USH2A: variants seen among roughly 807,000 people sequenced by gnomAD.
The protein encoded by USH2A is usherin.
Under a neutral mutation model 538.9 loss-of-function variants are expected in USH2A, and 443 were observed. The observed-to-expected ratio is 0.82, with a 90% CI of 0.76 to 0.89. The LOEUF is 0.89. Ranked by LOEUF, USH2A falls within the 40% of genes least tolerant of loss-of-function variation. The pLI is 0.00. For missense variants in USH2A, 6,633 were observed against 6,324.8 expected (o/e 1.05, Z -1.65); for synonymous variants, 2,413 against 2,273.5 (o/e 1.06, Z -1.75).
intron 9 of USH2A, among the ~76,000 whole-genome samples, chr1:216,311,792 G>T (rs2037425167): frequency 6.6e-6 from 1 of 152,048 alleles, no homozygotes; most frequent in Admixed American, 6.6e-5. Context: ...CCACTTAAAA[G>T]GTGGCATGAG....
rs565289584 is a variant in USH2A, at chr1:215,874,221, T to C, written c.8681+3537A>G. Among the ~76,000 whole-genome samples, 3 of 152,302 alleles carry C rather than the reference T, an allele frequency of 2.0e-5. No individual in the cohort carries two copies. The South Asian group carries it at 6.2e-4, about 32-fold the overall frequency. ...GAAAATGTCAGGAAACCCAAAGTTA[T>C]AGTTCCCCCAACAACCATAACTTGC... On this transcript the variant is annotated intron_variant, in intron 43 of 71. Coordinates refer to ENST00000307340, the MANE Select transcript of USH2A (RefSeq NM_206933.4).
Position 216,370,173 on chromosome 1 carries a change from A to G in USH2A, c.652-5088T>C, listed in dbSNP as rs375842526. Among the ~76,000 whole-genome samples, 19 of 152,136 alleles carry G rather than the reference A, an allele frequency of 1.2e-4. No homozygotes were observed. In the East Asian group the frequency reaches 3.1e-3, roughly 25 times the overall value. On this transcript the variant is annotated intron_variant, in intron 3 of 71. Transcript: ENST00000307340. ...GAAAAGTTCTAGACCAGCCTGGCCAACATGGCGAAACTCCGTCTCTACTAA... is the reference window on the plus strand; with the variant it reads ...GAAAAGTTCTAGACCAGCCTGGCCAGCATGGCGAAACTCCGTCTCTACTAA...
chr1:215,994,129 A>T (rs895585402), intron 34 of USH2A, among the ~76,000 whole-genome samples: 6 of 152,334 alleles, frequency 3.9e-5, no homozygotes, highest in South Asian at 4.1e-4. Context: ...AACAAAGTTT[A>T]AAAATCTTTC....
intron 61 of USH2A, among the ~76,000 whole-genome samples, chr1:215,694,666 A>G (rs909220203): frequency 6.6e-6 from 1 of 152,196 alleles, no homozygotes; most frequent in South Asian, 2.1e-4. Context: ...ATTTACTCAC[A>G]GGTCCACCTT....
intron 43 of USH2A, 76 bp from the exon 44 acceptor site, chr1:215,867,246 C>T (rs1187970521): frequency 7.3e-6 from 11 of 1,498,704 alleles, no homozygotes; most frequent in Non-Finnish European, 1.0e-5. Context: ...TTCTTTTTTT[C>T]TTCACAAAAT....
At chr1:216,059,182 A>G (rs1351293689) in intron 30 of USH2A, among the ~76,000 whole-genome samples, 1 of 152,232 alleles carries the variant, frequency 6.6e-6, no homozygotes, top group Admixed American at 6.5e-5. Context: ...ACACATATAC[A>G]TACATATATA....
rs749286172 is a variant in USH2A, at chr1:215,640,652, G to A, written c.14874C>T (p.Asn4958=). Residue 4958 remains asparagine (N), a synonymous_variant, in exon 68 of 72, where the codon AAC becomes AAT. Coordinates refer to ENST00000307340, the MANE Select transcript of USH2A (RefSeq NM_206933.4). ...CVNWSDTFLL[N]GQLKEYVLTD... ...TTAACACGTACTCCTTCAGTTGGCC[G>A]TTCAGGAGGAAGGTGTCACTCCAGT... The A allele has an allele frequency of 4.3e-6, 7 of 1,613,874 alleles. No homozygotes were observed. Among genetic ancestry groups the A allele is most frequent in the Admixed American group, 3.3e-5 (2 of 60,004 alleles).
At chr1:216,226,746 T>C (rs2102512046) in intron 14 of USH2A, among the ~76,000 whole-genome samples, 1 of 152,332 alleles carries the variant, frequency 6.6e-6, no homozygotes, top group Non-Finnish European at 1.5e-5. Flanking sequence ...GGCCCCTTTA[T>C]CTTCTAAGTG....
intron 11 of USH2A, among the ~76,000 whole-genome samples, chr1:216,264,354 A>T (rs2036431326): frequency 6.6e-6 from 1 of 151,848 alleles, no homozygotes; most frequent in East Asian, 1.9e-4. Context: ...CTGGAGTGCA[A>T]TGGCACAGTC....
chr1:215,714,798 A>G (rs191227464), intron 61 of USH2A, among the ~76,000 whole-genome samples: 3 of 152,346 alleles, frequency 2.0e-5, no homozygotes, highest in African/African-American at 7.2e-5. Context: ...TAAAACATCA[A>G]TATGACCTAT....
rs949082769 is a variant in USH2A at position 216,324,324 on chromosome 1, C to A, written c.1172G>T (p.Ser391Ile). 3.7e-6 allele frequency: 6 copies of A among 1,611,970 alleles called. No individual in the cohort carries two copies. The highest frequency in any genetic ancestry group is 5.1e-6 in the Non-Finnish European group (6 of 1,179,110). Reference protein sequence around the residue: ...QVFYIIIQFFSPQPTEIRIQR... With the variant: ...QVFYIIIQFFIPQPTEIRIQR... ...AATCCTTATTTCCGTTGGTTGTGGA[C>A]TAAAGAACTGAATGATAATATAAAA... Residue 391 changes from serine to isoleucine, a missense_variant, in exon 7 of 72, where the codon AGT (serine) becomes ATT (isoleucine). Coordinates refer to ENST00000307340, the MANE Select transcript of USH2A (RefSeq NM_206933.4).
At chr1:215,898,085 C>T (rs1421057492) in intron 40 of USH2A, among the ~76,000 whole-genome samples, 1 of 152,198 alleles carries the variant, frequency 6.6e-6, no homozygotes, top group African/African-American at 2.4e-5. Flanking sequence ...ACGTAACCTG[C>T]AGGTACACAT....
intron 55 of USH2A, among the ~76,000 whole-genome samples, chr1:215,770,942 T>C (rs796497465): frequency 1.5e-5 from 1 of 65,876 alleles, no homozygotes. Flanking sequence ...CCGTCTCTAC[T>C]AAAAAAAAAA....
Position 216,245,592 on chromosome 1 carries a change from T to A in USH2A, c.2809+993A>T, listed in dbSNP as rs545833354. ...GCAGTGGTCCTTCTCCTTAGGTTTT[T>A]ATGGAGTATCTAGTTATAATATAGT... On this transcript the variant is annotated intron_variant, in intron 13 of 71. Transcript: ENST00000307340. 2.0e-5 allele frequency among the ~76,000 whole-genome samples: 3 copies of A among 152,214 alleles called. No homozygotes were observed. The East Asian group carries it at 5.8e-4, about 29-fold the overall frequency.
chr1:216,275,988 G>C (rs2036663368), intron 11 of USH2A, among the ~76,000 whole-genome samples: 1 of 152,100 alleles, frequency 6.6e-6, no homozygotes, highest in Admixed American at 6.6e-5. Context: ...ACACTATGCT[G>C]AGTGCTAGGA....
chr1:216,382,337 A>G (rs1425212823), intron 3 of USH2A, among the ~76,000 whole-genome samples: 1 of 152,216 alleles, frequency 6.6e-6, no homozygotes, highest in Non-Finnish European at 1.5e-5. Context: ...ATTAAGCGGA[A>G]TAAATAGTAA....
intron 12 of USH2A, among the ~76,000 whole-genome samples, chr1:216,247,912 C>T (rs549674303): frequency 1.2e-4 from 18 of 152,000 alleles, no homozygotes; most frequent in South Asian, 2.1e-4. Flanking sequence ...ATTATACCTT[C>T]GTGAAGCTGG....
At chr1:216,201,067 T>C (rs2034988000) in intron 16 of USH2A, among the ~76,000 whole-genome samples, 1 of 144,462 alleles carries the variant, frequency 6.9e-6, no homozygotes, top group Admixed American at 7.1e-5. Context: ...CGACAGGAGA[T>C]AGAGCTTTAT....
At chr1:215,639,934 T>C (rs1003434475) in intron 68 of USH2A, among the ~76,000 whole-genome samples, 2 of 152,254 alleles carry the variant, frequency 1.3e-5, no homozygotes, top group African/African-American at 4.8e-5. Flanking sequence ...CATTATATAG[T>C]GAACATTGGT....
Sources: gnomAD v4.1 joint callset for allele counts (sites outside exome capture counted in the v4.1 genomes callset) on GRCh38, gnomAD v4.1.1 for gene constraint, MANE v1.5 for transcripts, NCBI Gene and HGNC (gene_info 2026-07-23, HGNC 2026-07-21) for gene names.